DIAPH3: variants seen among roughly 807,000 people sequenced by gnomAD.
The protein encoded by DIAPH3 is protein diaphanous homolog 3.
DIAPH3 carries 117 observed loss-of-function variants against 144.3 expected under a neutral mutation model. That is an observed-to-expected ratio of 0.81 (90% CI 0.70 to 0.95). The LOEUF (loss-of-function observed/expected upper bound fraction) is 0.95, where lower values mean the gene tolerates loss of function less well. DIAPH3 is among the 40% of genes least tolerant of loss of function. DIAPH3 has a pLI of 0.00. For synonymous variants in DIAPH3, 519 were observed against 488.9 expected, an observed-to-expected ratio of 1.06 and a Z score of -0.81; for missense variants, 1,421 against 1,412.7, an observed-to-expected ratio of 1.01 and a Z score of -0.09.
chr13:59,910,908 T>C (rs1227447624), intron 20 of DIAPH3, among the ~76,000 whole-genome samples: 1 of 151,604 alleles, frequency 6.6e-6, no homozygotes, highest in Non-Finnish European at 1.5e-5. Flanking sequence ...AGCAAATGTC[T>C]ACAACATGCC....
At chr13:59,819,413 G>C (rs1182419374) in intron 24 of DIAPH3, among the ~76,000 whole-genome samples, 1 of 151,778 alleles carries the variant, frequency 6.6e-6, no homozygotes. Context: ...TTTTAAAATA[G>C]TTTGTTGTAT....
At chr13:59,958,736 G>GA (rs139052572) in intron 17 of DIAPH3, among the ~76,000 whole-genome samples, 1,657 of 151,822 alleles carry the variant, frequency 0.011, 10 homozygotes, top group Non-Finnish European at 0.019. Flanking sequence ...AAAGGAAGGG[G>GA]AAAAAATCTT....
At chr13:59,795,628 T>A (rs550164588) in intron 25 of DIAPH3, among the ~76,000 whole-genome samples, 3 of 152,044 alleles carry the variant, frequency 2.0e-5, no homozygotes, top group South Asian at 2.1e-4. Context: ...TATTTTTTTT[T>A]ATTTTTAATA....
At chr13:59,673,639 G>T (rs2032494760) in intron 27 of DIAPH3, among the ~76,000 whole-genome samples, 1 of 152,146 alleles carries the variant, frequency 6.6e-6, no homozygotes, top group South Asian at 2.1e-4. Flanking sequence ...GTGATTAGAG[G>T]GTTGGGGTTT....
chr13:59,788,966 T>A (rs2039183489), intron 25 of DIAPH3, among the ~76,000 whole-genome samples: 1 of 152,326 alleles, frequency 6.6e-6, no homozygotes, highest in Admixed American at 6.5e-5. Flanking sequence ...CCCACTCTGA[T>A]GAGCTTGTTC....
chr13:59,954,026 T>G (rs888992806), intron 17 of DIAPH3, among the ~76,000 whole-genome samples: 1 of 152,242 alleles, frequency 6.6e-6, no homozygotes, highest in Non-Finnish European at 1.5e-5. Context: ...TCAGGGTTCC[T>G]GACACCAAGG....
At chr13:59,943,905 G>A (rs2048671339) in intron 17 of DIAPH3, among the ~76,000 whole-genome samples, 2 of 151,950 alleles carry the variant, frequency 1.3e-5, no homozygotes, top group South Asian at 4.2e-4. Flanking sequence ...TTTCCTTGAG[G>A]CCAACCAAGG....
chr13:59,740,790 C>T (rs1403050289), intron 27 of DIAPH3, among the ~76,000 whole-genome samples: 1 of 152,094 alleles, frequency 6.6e-6, no homozygotes, highest in East Asian at 1.9e-4. Context: ...TTACTTCCCC[C>T]TTCATATTTT....
At chr13:59,978,651 A>T (rs2050809255) in intron 14 of DIAPH3, among the ~76,000 whole-genome samples, 1 of 151,694 alleles carries the variant, frequency 6.6e-6, no homozygotes. Flanking sequence ...TGAAATATAA[A>T]CTTTGTTTTA....
intron 17 of DIAPH3, among the ~76,000 whole-genome samples, chr13:59,966,904 TCCCTACC>T (rs965556858): frequency 3.3e-5 from 5 of 152,146 alleles, no homozygotes; most frequent in Non-Finnish European, 7.3e-5. Flanking sequence ...TTACCATCCT[TCCCTACC>T]TAGTTGTGAT....
At chr13:59,945,387 A>G (rs1183717104) in intron 17 of DIAPH3, among the ~76,000 whole-genome samples, 1 of 152,162 alleles carries the variant, frequency 6.6e-6, no homozygotes, top group Non-Finnish European at 1.5e-5. Context: ...TTATCTGCTC[A>G]GCACTGTATC....
chr13:59,947,975 T>C (rs1295079580), intron 17 of DIAPH3, among the ~76,000 whole-genome samples: 1 of 152,164 alleles, frequency 6.6e-6, no homozygotes, highest in Non-Finnish European at 1.5e-5. Context: ...AAAATGGAAT[T>C]AATATGATAA....
intron 27 of DIAPH3, among the ~76,000 whole-genome samples, chr13:59,766,957 C>A (rs763704233): frequency 1.3e-5 from 2 of 152,146 alleles, no homozygotes; most frequent in Non-Finnish European, 2.9e-5. Flanking sequence ...TGTACCTGGC[C>A]TTTCTGAACA....
intron 9 of DIAPH3, among the ~76,000 whole-genome samples, chr13:60,001,886 T>C (rs74478131): frequency 0.014 from 2,118 of 152,296 alleles, 65 homozygotes; most frequent in East Asian, 0.1. Context: ...CAGGCAGTTA[T>C]CCCTACAATG....
At chr13:60,132,887 C>T in intron 2 of DIAPH3, 70 bp downstream of exon 2, 1 of 1,300,370 alleles carries the variant, frequency 7.7e-7, no homozygotes, top group Non-Finnish European at 1.1e-6. Flanking sequence ...AAGATGTTAG[C>T]AGAGCACACC....
At chr13:60,052,673 G>A (rs1275473415) in intron 4 of DIAPH3, among the ~76,000 whole-genome samples, 1 of 152,056 alleles carries the variant, frequency 6.6e-6, no homozygotes, top group Non-Finnish European at 1.5e-5. Flanking sequence ...AATGAATGAA[G>A]TTATAATAAA....
chr13:59,860,526 C>G (rs2043514287), intron 22 of DIAPH3, among the ~76,000 whole-genome samples: 1 of 152,046 alleles, frequency 6.6e-6, no homozygotes, highest in Non-Finnish European at 1.5e-5. Context: ...ATCAGGAGGT[C>G]AGGAGATCGA....
chr13:59,829,591 T>C (rs966938507), intron 24 of DIAPH3, among the ~76,000 whole-genome samples: 2 of 151,950 alleles, frequency 1.3e-5, no homozygotes, highest in African/African-American at 2.4e-5. Flanking sequence ...TGGTTAGCTC[T>C]ATATATGTTA....
chr13:59,814,411 T>C (rs1488194122), intron 24 of DIAPH3, among the ~76,000 whole-genome samples: 1 of 152,198 alleles, frequency 6.6e-6, no homozygotes, highest in Non-Finnish European at 1.5e-5. Context: ...TCTCATATTG[T>C]AACTATTAGG....
Sources: allele counts gnomAD v4.1 joint callset (sites outside exome capture counted in the v4.1 genomes callset), GRCh38; gene constraint gnomAD v4.1.1; transcripts MANE v1.5; gene names NCBI Gene and HGNC (gene_info 2026-07-23, HGNC 2026-07-21).